MUC4: variants seen among roughly 807,000 people sequenced by gnomAD.
The protein encoded by MUC4 is mucin 4, cell surface associated.
In MUC4, 202 loss-of-function variants were observed where a neutral mutation model predicts 257.9. The ratio of observed to expected loss-of-function variants is 0.78; its 90% CI spans 0.70 to 0.88. MUC4 has a LOEUF of 0.88. Ranked by LOEUF, MUC4 falls within the 40% of genes least tolerant of loss-of-function variation. MUC4 has a pLI of 0.00. For missense variants in MUC4, 5,976 were observed against 6,513.7 expected, an observed-to-expected ratio of 0.92 and a Z score of 2.84; for synonymous variants, 2,351 against 2,757.1, an observed-to-expected ratio of 0.85 and a Z score of 4.62.
At position 195,798,660 on chromosome 3, in the gene MUC4, C is replaced by A. The variant is rs1308322537; in HGVS notation, c.83-7163G>T. Among the ~76,000 whole-genome samples, 3 of 152,116 alleles carry A rather than the reference C, an allele frequency of 2.0e-5. No individual in the cohort carries two copies. The East Asian group carries it at 5.8e-4, about 29-fold the overall frequency. ...CGGAGCTTGCAGTGAGCCGAGATTGCACCACTGCACTCCTGCCTGGGTGAC... is the reference window on the plus strand; with the variant it reads ...CGGAGCTTGCAGTGAGCCGAGATTGAACCACTGCACTCCTGCCTGGGTGAC... On this transcript the variant is annotated intron_variant, in intron 1 of 24. Transcript: ENST00000463781.
chr3:195,774,336 C>T, intron 3 of MUC4, 31 bp from the exon 4 acceptor site: 7 of 1,494,172 alleles, frequency 4.7e-6, no homozygotes, highest in Non-Finnish European at 6.2e-6. Flanking sequence ...GCAGGAAGTC[C>T]AAGTGGGCCT....
rs1038443262 is a variant in MUC4 at position 195,757,921 on chromosome 3, C to T, written c.14987-593G>A. ...GAATAGACGAACGTAATTTCCAGAC[C>T]ATCGTCCTTCAGGGGTGGGGCCCGT... On this transcript the variant is annotated intron_variant, in intron 17 of 24. Coordinates refer to ENST00000463781, the MANE Select transcript of MUC4 (RefSeq NM_018406.7). This position sits in a 1 kb window ranked among gnomAD's most constrained non-coding sequence, Gnocchi z 4.8. Among the ~76,000 whole-genome samples the T allele has an allele frequency of 2.0e-5, 3 of 152,166 alleles. No homozygotes were observed. Among genetic ancestry groups the T allele is most frequent in the East Asian group, 3.8e-4 (2 of 5,198 alleles).
Position 195,801,067 on chromosome 3 carries a change from C to T in MUC4, c.83-9570G>A, listed in dbSNP as rs531393513. ...CAATGTTTGTAAGCCAAAACCATCTCGCTGAAGTTGTCAGGCAGAGAAATT... is the reference window on the plus strand; with the variant it reads ...CAATGTTTGTAAGCCAAAACCATCTTGCTGAAGTTGTCAGGCAGAGAAATT... On this transcript the variant is annotated intron_variant, in intron 1 of 24. Transcript: ENST00000463781. Among the ~76,000 whole-genome samples the T allele has an allele frequency of 7.2e-5, 11 of 152,290 alleles. No individual in the cohort carries two copies. The South Asian group carries it at 1.7e-3, about 23-fold the overall frequency.
intron 8 of MUC4, 98 bp downstream of exon 8, chr3:195,766,565 A>G (rs1720540714): frequency 9.3e-7 from 1 of 1,074,516 alleles, no homozygotes; most frequent in Admixed American, 1.8e-5. Flanking sequence ...GATGGCCGTG[A>G]TGTTAGGGAG....
chr3:195,762,530 C>G (rs1719295922), intron 13 of MUC4, among the ~76,000 whole-genome samples: 1 of 150,780 alleles, frequency 6.6e-6, no homozygotes, highest in Admixed American at 6.6e-5. Flanking sequence ...CGCCACGCAC[C>G]GGGCCCTGCA....
rs1467026063 is a variant in MUC4, at chr3:195,786,384, A to C, written c.5196T>G (p.Thr1732=). ...STGDTTPLPV[T]SPSSASTGHA... is the part of the protein sequence containing the mutation. Reference sequence around the variant, plus strand: ...GACCTGTGGATGCTGAGGAAGGGCTAGTGACAGGAAGAGGCGTGGTGTCAC... The same window carrying C: ...GACCTGTGGATGCTGAGGAAGGGCTCGTGACAGGAAGAGGCGTGGTGTCAC... Residue 1732 remains threonine (T), a synonymous_variant, in exon 2 of 25, where the codon ACT becomes ACG. Coordinates refer to ENST00000463781, the MANE Select transcript of MUC4 (RefSeq NM_018406.7). 4 of 1,411,182 alleles carry C rather than the reference A, an allele frequency of 2.8e-6. No homozygotes were observed. Among genetic ancestry groups the C allele is most frequent in the East Asian group, 6.0e-5 (2 of 33,062 alleles). 87.4% of individuals were successfully genotyped at this position (1,411,182 alleles called of 1,614,324 possible). A position where few individuals can be genotyped will look rare whatever the true frequency, so the allele number is the denominator to read the frequency against.
intron 3 of MUC4, among the ~76,000 whole-genome samples, chr3:195,775,253 A>G (rs1724113133): frequency 6.6e-6 from 1 of 152,022 alleles, no homozygotes. Context: ...CCCGTTGCCT[A>G]CAGGATTCCC....
chr3:195,794,972 G>A (rs1734393049), intron 1 of MUC4, among the ~76,000 whole-genome samples: 1 of 152,170 alleles, frequency 6.6e-6, no homozygotes, highest in Non-Finnish European at 1.5e-5. Flanking sequence ...AGGTCCCTGG[G>A]CCCCTGGCTT....
At position 195,788,431 on chromosome 3, in the gene MUC4, G is replaced by T. The variant is rs1335659785; in HGVS notation, c.3149C>A (p.Ser1050Tyr). The T allele has an allele frequency of 1.4e-6, 2 of 1,470,732 alleles. No individual in the cohort carries two copies. Among genetic ancestry groups the T allele is most frequent in the African/African-American group, 3.0e-5 (2 of 66,660 alleles). 91.1% of individuals were successfully genotyped at this position (1,470,732 alleles called of 1,614,324 possible). ...AGGAAGAGGGGTGCTGTCACCTGTG[G>T]ATGCTGAGGAAAAGCTGGTGACAGG... ...PLPVTSFSSA[S>Y]TGDSTPLPVT... The change falls in exon 2 of 25, where the codon TCC becomes TAC. Residue 1050 changes from serine to tyrosine, a missense_variant. By Grantham distance (144) the Ser-to-Tyr change is moderately radical (BLOSUM62 -2). Transcript: ENST00000463781.
At chr3:195,763,393 T>C (rs867190675) in intron 12 of MUC4, 40 bp downstream of exon 12, 2 of 1,392,976 alleles carry the variant, frequency 1.4e-6, no homozygotes, top group Middle Eastern at 4.8e-4. Flanking sequence ...AAGGTCCCTG[T>C]GGGTGGAATG....
intron 7 of MUC4, among the ~76,000 whole-genome samples, chr3:195,767,144 G>A (rs1217549005): frequency 1.3e-5 from 2 of 152,086 alleles, no homozygotes; most frequent in Non-Finnish European, 2.9e-5. Context: ...AGTTTCTGGA[G>A]TTAGGCAGTG....
At chr3:195,775,863 T>C (rs1560285208) in intron 3 of MUC4, among the ~76,000 whole-genome samples, 1 of 120,482 alleles carries the variant, frequency 8.3e-6, no homozygotes, top group Non-Finnish European at 1.7e-5. Flanking sequence ...TCCACGGCCA[T>C]ACCTTCCACA....
chr3:195,764,196 G>C, intron 10 of MUC4, 32 bp from the exon 11 acceptor site: 1 of 1,551,230 alleles, frequency 6.4e-7, no homozygotes, highest in Non-Finnish European at 8.7e-7. Flanking sequence ...CGGGGAGGTT[G>C]AGGACCTGGA....
chr3:195,803,478 T>G (rs1006397897), intron 1 of MUC4, among the ~76,000 whole-genome samples: 1 of 152,262 alleles, frequency 6.6e-6, no homozygotes, highest in Non-Finnish European at 1.5e-5. Flanking sequence ...GCATCTGCGC[T>G]GGGTCGAGTG....
At position 195,784,979 on chromosome 3, in the gene MUC4, C is replaced by G; in HGVS notation, c.6601G>C (p.Ala2201Pro). 7.6e-7 allele frequency: 1 copy of G among 1,317,168 alleles called. No individual in the cohort carries two copies. The highest frequency in any genetic ancestry group is 2.1e-5 in the Admixed American group (1 of 47,258). 81.6% of individuals were successfully genotyped at this position (1,317,168 alleles called of 1,614,324 possible). A position where few individuals can be genotyped will look rare whatever the true frequency, so the allele number is the denominator to read the frequency against. ...TPLPVTDTSS[A>P]STGQATPLPV... is the part of the protein sequence containing the mutation. ...AGAGGGGTGGCCTGACCTGTGGATG[C>G]TGAGGAAGTGTCGGTGACAGGAAGA... The change falls in exon 2 of 25, where the codon GCA (alanine) becomes CCA (proline). Residue 2201 changes from alanine (A) to proline (P), a missense_variant. Physicochemically the swap from Ala to Pro is conservative, Grantham distance 27. Around this residue, in one of 44 missense-constraint regions of MUC4, gnomAD observed 85 missense variants for 325.0 expected, o/e 0.26. Transcript: ENST00000463781.
intron 1 of MUC4, 96 bp from the exon 2 acceptor site, chr3:195,791,593 C>G (rs1282004992): frequency 1.3e-6 from 1 of 773,550 alleles, no homozygotes; most frequent in Non-Finnish European, 2.1e-6. Context: ...AGGAATACAG[C>G]TAACAAAGGA....
chr3:195,811,237 G>A (rs1391629838), intron 1 of MUC4, among the ~76,000 whole-genome samples: 2 of 151,234 alleles, frequency 1.3e-5, no homozygotes, highest in Non-Finnish European at 2.9e-5. Context: ...GCAGTGGCGC[G>A]ATCTTGGCTC....
chr3:195,760,666 A>G (rs73892864), intron 16 of MUC4, among the ~76,000 whole-genome samples: 5,715 of 133,130 alleles, frequency 0.043, 732 homozygotes, highest in African/African-American at 0.21. Context: ...GGCGTCCAGC[A>G]CTAGGAGAAG....
At chr3:195,772,236 G>A (rs1254677454) in intron 4 of MUC4, among the ~76,000 whole-genome samples, 1 of 148,700 alleles carries the variant, frequency 6.7e-6, no homozygotes, top group African/African-American at 2.5e-5. Flanking sequence ...TCCCTCCGTC[G>A]CTCAGGGGTG....
Sources: gnomAD v4.1 joint callset for allele counts (sites outside exome capture counted in the v4.1 genomes callset) on GRCh38, gnomAD v4.1.1 for gene constraint, gnomAD v4.1.1 regional missense constraint, Gnocchi (gnomAD v3.1) non-coding constraint, MANE v1.5 for transcripts, NCBI Gene and HGNC (gene_info 2026-07-23, HGNC 2026-07-21) for gene names.